Variants in DLGAP2 observed in about 807,000 individuals in gnomAD.
The protein encoded by DLGAP2 is disks large-associated protein 2.
DLGAP2 carries 26 observed loss-of-function variants against 100.3 expected under a neutral mutation model. The ratio of observed to expected loss-of-function variants is 0.26; its 90% CI spans 0.19 to 0.36. DLGAP2 has a LOEUF of 0.36. Ranked by LOEUF, DLGAP2 falls within the 10% of genes least tolerant of loss-of-function variation. The pLI is 1.00. For synonymous variants in DLGAP2, 886 were observed against 630.1 expected (o/e 1.41, Z -6.08); for missense variants, 1,858 against 1,453.2 (o/e 1.28, Z -4.53).
intron 2 of DLGAP2, among the ~76,000 whole-genome samples, chr8:1,029,376 G>A (rs1310761741): frequency 6.6e-6 from 1 of 152,188 alleles, no homozygotes; most frequent in African/African-American, 2.4e-5. Flanking sequence ...GAGGAAAGTG[G>A]GCAAAGAGTG....
chr8:979,208 A>G (rs7843139), intron 2 of DLGAP2, among the ~76,000 whole-genome samples: 148,199 of 152,324 alleles, frequency 0.97, 72,109 homozygotes, highest in East Asian at 1. Context: ...ATGGCACCTA[A>G]CATCTCTTCT....
chr8:1,033,718 CCGCG>C (rs1802039151), intron 2 of DLGAP2, among the ~76,000 whole-genome samples: 1 of 150,802 alleles, frequency 6.6e-6, no homozygotes, highest in African/African-American at 2.4e-5. Flanking sequence ...CATCCCGACC[CCGCG>C]TGTCACCGCG....
At chr8:1,643,673 C>G (rs868491041) in intron 8 of DLGAP2, among the ~76,000 whole-genome samples, 1 of 56,240 alleles carries the variant, frequency 1.8e-5, no homozygotes, top group Admixed American at 1.6e-4. Context: ...TGTCACCCTC[C>G]AACCCGCCGG....
intron 6 of DLGAP2, among the ~76,000 whole-genome samples, chr8:1,601,945 G>GATGTGTGTGTGTGTGTGTGT (rs1554506576): frequency 1.1e-4 from 16 of 146,348 alleles, no homozygotes; most frequent in African/African-American, 3.1e-4. Context: ...AATTTAACAG[G>GATGTGTGTGTGTGTGTGTGT]GTGTGTGTGT....
chr8:1,475,710 A>C (rs979458935), intron 3 of DLGAP2, among the ~76,000 whole-genome samples: 1 of 152,142 alleles, frequency 6.6e-6, no homozygotes, highest in African/African-American at 2.4e-5. Context: ...ACGGCAGAAC[A>C]CGAGTGGCAC....
intron 3 of DLGAP2, among the ~76,000 whole-genome samples, chr8:1,362,395 C>T (rs1802002158): frequency 7.5e-6 from 1 of 134,160 alleles, no homozygotes; most frequent in African/African-American, 3.3e-5. Context: ...TCCCATGTCC[C>T]ATGCGGACAG....
chr8:1,186,462 G>A (rs934982417), intron 2 of DLGAP2, among the ~76,000 whole-genome samples: 4 of 152,136 alleles, frequency 2.6e-5, no homozygotes, highest in African/African-American at 9.7e-5. Flanking sequence ...GTTGCTTCAC[G>A]CCCTAAGCCA....
chr8:822,111 C>G (rs1363740759), intron 1 of DLGAP2: 3 of 399,286 alleles, frequency 7.5e-6, no homozygotes, highest in Non-Finnish European at 1.3e-5. Flanking sequence ...CCATCCGAGG[C>G]TTGGCCCTAG....
At chr8:1,516,531 GTGAGTGAGTGCATGAATGAGTGAGTGAA>G (rs1563196682) in intron 4 of DLGAP2, among the ~76,000 whole-genome samples, 1 of 150,312 alleles carries the variant, frequency 6.7e-6, no homozygotes, top group Non-Finnish European at 1.5e-5. Context: ...CAGTCAGTGA[GTGAGTGAGTGCATGAATGAGTGAGTGAA>G]TGAGGGAGGG....
intron 1 of DLGAP2, among the ~76,000 whole-genome samples, chr8:826,348 T>C (rs1796685007): frequency 6.6e-6 from 1 of 152,226 alleles, no homozygotes; most frequent in Admixed American, 6.5e-5. Flanking sequence ...TTTATTGATT[T>C]TCATTGTTGT....
chr8:1,435,003 T>C (rs976742122), intron 3 of DLGAP2, among the ~76,000 whole-genome samples: 1 of 152,212 alleles, frequency 6.6e-6, no homozygotes, highest in African/African-American at 2.4e-5. Flanking sequence ...CAGTACTCTG[T>C]GTTATTCTTC....
At chr8:1,678,142 G>A (rs1363299413) in intron 11 of DLGAP2, 72 bp from the exon 12 acceptor site, 14 of 1,522,268 alleles carry the variant, frequency 9.2e-6, no homozygotes, top group Middle Eastern at 1.8e-4. Context: ...CCTGACAGGC[G>A]ACATGTAGGA....
At chr8:1,272,759 T>A (rs1221122723) in intron 3 of DLGAP2, among the ~76,000 whole-genome samples, 2 of 152,060 alleles carry the variant, frequency 1.3e-5, no homozygotes, top group Non-Finnish European at 2.9e-5. Flanking sequence ...CACGGGTGAC[T>A]CTTCCCATCA....
At position 1,701,196 on chromosome 8, in the gene DLGAP2, A is replaced by C; in HGVS notation, c.2958A>C (p.Arg986Ser). ...MMESPERKEE[R>S]KVPPPIPKKP... ...CTTGCGCTGCTTTTCAGGAAGAAAG[A>C]AAGGTCCCGCCTCCAATACCAAAGA... Residue 986 changes from arginine (R) to serine (S), a missense_variant, in exon 15 of 15, where the codon AGA (arginine) becomes AGC (serine). Coordinates refer to ENST00000637795, the MANE Select transcript of DLGAP2 (RefSeq NM_001346810.2). 6.4e-7 allele frequency: 1 copy of C among 1,561,536 alleles called. No individual in the cohort carries two copies. Among genetic ancestry groups the C allele is most frequent in the Non-Finnish European group, 8.7e-7 (1 of 1,153,988 alleles).
intron 2 of DLGAP2, among the ~76,000 whole-genome samples, chr8:1,156,113 G>A (rs1796779885): frequency 6.6e-6 from 1 of 152,180 alleles, no homozygotes; most frequent in Non-Finnish European, 1.5e-5. Flanking sequence ...CTGTTTCAGG[G>A]GCCGCAGGTG....
chr8:1,088,168 C>G (rs538967119), intron 2 of DLGAP2, among the ~76,000 whole-genome samples: 4 of 152,248 alleles, frequency 2.6e-5, no homozygotes, highest in Non-Finnish European at 4.4e-5. Flanking sequence ...CAGACGACTT[C>G]CCATCCCCTA....
chr8:1,068,819 T>G (rs1803337730), intron 2 of DLGAP2, among the ~76,000 whole-genome samples: 1 of 152,078 alleles, frequency 6.6e-6, no homozygotes. Flanking sequence ...TCGTGGGGGC[T>G]TTTTCTCCAG....
rs1034994688 is a variant in DLGAP2 at position 1,085,453 on chromosome 8, T to C, written c.74-173398T>C. Among the ~76,000 whole-genome samples the C allele has an allele frequency of 4.6e-5, 7 of 152,192 alleles. No individual in the cohort carries two copies. The South Asian group carries it at 1.0e-3, about 23-fold the overall frequency. On this transcript the variant is annotated intron_variant, in intron 2 of 14. Coordinates refer to ENST00000637795, the MANE Select transcript of DLGAP2 (RefSeq NM_001346810.2). ...CCCAGACCAATATTATGTAGTCTTT[T>C]CCCCCTAAGTTTTCCTCTAGTAGTT...
chr8:1,614,672 A>T (rs1056293633), intron 6 of DLGAP2, among the ~76,000 whole-genome samples: 1 of 152,250 alleles, frequency 6.6e-6, no homozygotes, highest in African/African-American at 2.4e-5. Flanking sequence ...CTACAGCAGC[A>T]GAACTGATAT....
Sources: allele counts gnomAD v4.1 joint callset (sites outside exome capture counted in the v4.1 genomes callset), GRCh38; gene constraint gnomAD v4.1.1; transcripts MANE v1.5; gene names NCBI Gene and HGNC (gene_info 2026-07-23, HGNC 2026-07-21).